Variants in OTUD3 observed in about 807,000 individuals in gnomAD.
OTUD3 encodes OTU domain-containing protein 3.
OTUD3 carries 24 observed loss-of-function variants against 46.2 expected under a neutral mutation model. That is an observed-to-expected ratio of 0.52 (90% CI 0.38 to 0.73). The LOEUF (loss-of-function observed/expected upper bound fraction) is 0.73. Among genes scored for constraint, OTUD3 ranks in the 30% least tolerant of loss-of-function variants. OTUD3 has a pLI of 0.00. For missense variants in OTUD3, 455 were observed against 523.3 expected (o/e 0.87, Z 1.27); for synonymous variants, 189 against 195.4 (o/e 0.97, Z 0.27).
chr1:19,883,650 ATTG>A (rs1003872784), intron 1 of OTUD3, among the ~76,000 whole-genome samples: 1 of 131,952 alleles, frequency 7.6e-6, no homozygotes, highest in Admixed American at 7.5e-5. Flanking sequence ...GTTCATTATT[ATTG>A]TTATTTTGTA....
In OTUD3 at chr1:19,910,473, T is replaced by C. The variant is rs2045720848; in HGVS notation, c.*2727T>C. 6.6e-6 allele frequency: 1 copy of C among 152,308 alleles called. No homozygotes were observed. The highest frequency in any genetic ancestry group is 2.4e-5 in the African/African-American group (1 of 41,438). 9.4% of individuals were successfully genotyped at this position (152,308 alleles called of 1,614,324 possible). On this transcript the variant is annotated 3_prime_UTR_variant, in exon 8 of 8. Coordinates refer to ENST00000375120, the MANE Select transcript of OTUD3 (RefSeq NM_015207.2). ...GAGAGGTAGATGTATTAAAGCAGCA[T>C]AGAACCATAACTTCTAGATAATGTA...
chr1:19,891,331 T>G (rs1043391546), intron 2 of OTUD3, among the ~76,000 whole-genome samples: 2 of 152,254 alleles, frequency 1.3e-5, no homozygotes, highest in Non-Finnish European at 2.9e-5. Context: ...GCTGCTGATA[T>G]GTCTTACAAA....
At chr1:19,896,275 A>G (rs113879851) in intron 3 of OTUD3, among the ~76,000 whole-genome samples, 163 of 152,188 alleles carry the variant, frequency 1.1e-3, no homozygotes, top group African/African-American at 3.6e-3. Flanking sequence ...ATCTAGATGT[A>G]TGTAACATAG....
chr1:19,893,222 C>G (rs1032545700), intron 2 of OTUD3, among the ~76,000 whole-genome samples: 7 of 152,196 alleles, frequency 4.6e-5, no homozygotes, highest in African/African-American at 1.2e-4. Flanking sequence ...TGCATGACTT[C>G]CCTCAACTTT....
At position 19,907,886 on chromosome 1, in the gene OTUD3, G is replaced by A. The variant is rs944256137; in HGVS notation, c.*140G>A. The A allele has an allele frequency of 2.4e-5, 16 of 660,070 alleles. No homozygotes were observed. Among genetic ancestry groups the A allele is most frequent in the East Asian group, 2.3e-4 (8 of 34,976 alleles). The allele number at this position is 660,070 out of a possible 1,614,324, so 40.9% of individuals were successfully genotyped here. A position where few individuals can be genotyped will look rare whatever the true frequency, so the allele number is the denominator to read the frequency against. The stretch of plus-strand genomic sequence containing the variant: ...TGAGCTCACACACTGAGTTAGTTTC[G>A]TTCAAGCTGCCTCTTTTTTTGTTCG... On this transcript the variant is annotated 3_prime_UTR_variant, in exon 8 of 8. Transcript: ENST00000375120.
chr1:19,905,799 G>C (rs778570490), intron 6 of OTUD3, among the ~76,000 whole-genome samples: 7 of 152,174 alleles, frequency 4.6e-5, no homozygotes, highest in African/African-American at 1.7e-4. Flanking sequence ...TATTTAAAAT[G>C]ATATCAATAA....
chr1:19,882,761 C>T (rs2045288747), intron 1 of OTUD3, 27 bp downstream of exon 1: 1 of 1,282,766 alleles, frequency 7.8e-7, no homozygotes, highest in Non-Finnish European at 9.8e-7. Flanking sequence ...GCGAGGGAGG[C>T]GGCGCCGGGG....
intron 2 of OTUD3, among the ~76,000 whole-genome samples, chr1:19,892,297 C>T (rs1209100204): frequency 1.3e-5 from 2 of 152,112 alleles, no homozygotes; most frequent in African/African-American, 4.8e-5. Context: ...CAGTTGAAGG[C>T]TTGGCTTGTT....
At position 19,904,292 on chromosome 1, in the gene OTUD3, CAAAT is replaced by C. The variant is rs1440133482; in HGVS notation, c.636_639del (p.Asn212LysfsTer16). On this transcript the variant is annotated frameshift_variant, in exon 5 of 8. Transcript: ENST00000375120. LOFTEE classifies it high-confidence loss of function. ...TTTCAGATGCTTCATCAAGATGAATCAAATAAAAGAGAAAAGATCAAGACAAAGG... is the reference window on the plus strand; with the variant it reads ...TTTCAGATGCTTCATCAAGATGAATCAAAAGAGAAAAGATCAAGACAAAGG... 1 of 1,604,354 alleles carries C rather than the reference CAAAT, an allele frequency of 6.2e-7. No individual in the cohort carries two copies. The highest frequency in any genetic ancestry group is 1.7e-5 in the Admixed American group (1 of 57,838).
At chr1:19,883,739 C>A (rs188500672) in intron 1 of OTUD3, among the ~76,000 whole-genome samples, 19 of 152,268 alleles carry the variant, frequency 1.2e-4, no homozygotes, top group Admixed American at 6.5e-4. Flanking sequence ...CCTCGGCCTC[C>A]CAAAGTGCCT....
intron 3 of OTUD3, among the ~76,000 whole-genome samples, chr1:19,897,051 C>T (rs1043121363): frequency 1.3e-5 from 2 of 152,222 alleles, no homozygotes; most frequent in Non-Finnish European, 2.9e-5. Context: ...GCTAATGAAA[C>T]ATCAGGCCAC....
At chr1:19,891,852 T>G (rs2045451369) in intron 2 of OTUD3, among the ~76,000 whole-genome samples, 1 of 152,238 alleles carries the variant, frequency 6.6e-6, no homozygotes. Context: ...TCCCTCTTCC[T>G]GGGATTACTT....
chr1:19,905,892 A>G (rs929167018), intron 6 of OTUD3, among the ~76,000 whole-genome samples: 3 of 152,186 alleles, frequency 2.0e-5, no homozygotes, highest in Non-Finnish European at 2.9e-5. Flanking sequence ...ATTATCCACT[A>G]TGTATTGGCT....
chr1:19,904,172 T>A, intron 4 of OTUD3, 95 bp from the exon 5 acceptor site: 1 of 928,096 alleles, frequency 1.1e-6, no homozygotes, highest in South Asian at 1.9e-5. Context: ...CCCCTATATA[T>A]ATGAATTTTT....
intron 1 of OTUD3, among the ~76,000 whole-genome samples, chr1:19,888,199 G>A (rs72658580): frequency 0.11 from 16,359 of 152,238 alleles, 1,000 homozygotes; most frequent in Admixed American, 0.15. Flanking sequence ...ACTTCCTACA[G>A]TGCACAGGAC....
In OTUD3 at chr1:19,894,454, C is replaced by T; in HGVS notation, c.457C>T (p.His153Tyr). The T allele has an allele frequency of 6.2e-7, 1 of 1,602,452 alleles. No individual in the cohort carries two copies. The highest frequency in any genetic ancestry group is 8.5e-7 in the Non-Finnish European group (1 of 1,172,368). The change falls in exon 3 of 8, where the codon CAT (histidine) becomes TAT (tyrosine). Residue 153 changes from histidine to tyrosine, a missense_variant. Transcript: ENST00000375120. Reference protein sequence around the residue: ...ARNHQLNVVIHQLNAPLWQIR... With the variant: ...ARNHQLNVVIYQLNAPLWQIR... ...AAATCATCAGTTGAATGTAGTGATT[C>T]ATCAACTTAATGCCCCTTTGTGGCA... is the stretch of plus-strand genomic sequence containing the variant.
intron 1 of OTUD3, among the ~76,000 whole-genome samples, chr1:19,887,378 C>G (rs2045379707): frequency 6.6e-6 from 1 of 152,108 alleles, no homozygotes; most frequent in South Asian, 2.1e-4. Flanking sequence ...GCCACCGCAC[C>G]CGGCTGATGA....
chr1:19,898,960 G>A (rs1026243026), intron 4 of OTUD3, among the ~76,000 whole-genome samples: 6 of 152,112 alleles, frequency 3.9e-5, no homozygotes, highest in Middle Eastern at 3.4e-3. Context: ...ACAGGTGTGC[G>A]CCACCATGCT....
rs534425327 is a variant in OTUD3 at position 19,893,205 on chromosome 1, C to G, written c.371-1163C>G. Among the ~76,000 whole-genome samples the G allele has an allele frequency of 3.9e-5, 6 of 152,332 alleles. No homozygotes were observed. In the South Asian group the frequency reaches 8.3e-4, roughly 21 times the overall value. The stretch of plus-strand genomic sequence containing the variant: ...AGCCAAACTGCAGGGTTCGAGAACA[C>G]AGTCCTTGCATGACTTCCCTCAACT... On this transcript the variant is annotated intron_variant, in intron 2 of 7. Coordinates refer to ENST00000375120, the MANE Select transcript of OTUD3 (RefSeq NM_015207.2).
Sources: gnomAD v4.1 joint callset for allele counts (sites outside exome capture counted in the v4.1 genomes callset) on GRCh38, gnomAD v4.1.1 for gene constraint, MANE v1.5 for transcripts, NCBI Gene and HGNC (gene_info 2026-07-23, HGNC 2026-07-21) for gene names.